Variants in ROBO1 observed in about 807,000 individuals in gnomAD.
ROBO1 encodes the protein roundabout guidance receptor 1.
A neutral mutation model predicts 195.9 loss-of-function variants in ROBO1; 149 were observed. That is an observed-to-expected ratio of 0.76 (90% confidence interval 0.67 to 0.87). The LOEUF (loss-of-function observed/expected upper bound fraction) is 0.87. ROBO1 is among the 40% of genes least tolerant of loss of function. The pLI is 0.00. For missense variants in ROBO1, 1,933 were observed against 2,068.3 expected (o/e 0.93, Z 1.27); for synonymous variants, 816 against 733.2 (o/e 1.11, Z -1.82).
At chr3:79,425,380 G>A (rs2038404433) in intron 2 of ROBO1, among the ~76,000 whole-genome samples, 1 of 152,064 alleles carries the variant, frequency 6.6e-6, no homozygotes, top group African/African-American at 2.4e-5. Context: ...AGAACAAAAT[G>A]CTTAGACCTC....
rs187204013 is a variant in ROBO1, at chr3:79,309,139, A to G, written c.89-183600T>C. ...CACCTGAAGGTTTTTAGAGGGGAAA[A>G]TTCATACCTACTGGGTTATATGATA... On this transcript the variant is annotated intron_variant, in intron 2 of 30. Coordinates refer to ENST00000464233, the MANE Select transcript of ROBO1 (RefSeq NM_002941.4). 4.9e-3 allele frequency among the ~76,000 whole-genome samples: 743 copies of G among 152,302 alleles called. 11 individuals carry two copies. The highest frequency in any genetic ancestry group is 0.017 in the African/African-American group (705 of 41,538).
chr3:79,416,360 C>T (rs1435118743), intron 2 of ROBO1, among the ~76,000 whole-genome samples: 1 of 151,100 alleles, frequency 6.6e-6, no homozygotes, highest in East Asian at 1.9e-4. Flanking sequence ...AATCCTGGCA[C>T]TTTGAGGCTG....
intron 2 of ROBO1, among the ~76,000 whole-genome samples, chr3:79,145,638 G>A (rs575418982): frequency 1.4e-4 from 21 of 151,830 alleles, no homozygotes; most frequent in East Asian, 5.8e-4. Context: ...AATGTTGCCC[G>A]ACTGACCTGA....
intron 3 of ROBO1, among the ~76,000 whole-genome samples, chr3:79,114,758 A>G (rs780181174): frequency 2.6e-5 from 4 of 152,136 alleles, no homozygotes; most frequent in Non-Finnish European, 4.4e-5. Context: ...TACATTGTGT[A>G]TGTAGTATTT....
chr3:79,580,743 A>G (rs1943633704), intron 2 of ROBO1, among the ~76,000 whole-genome samples: 1 of 152,146 alleles, frequency 6.6e-6, no homozygotes, highest in African/African-American at 2.4e-5. Flanking sequence ...AGTATGTGTC[A>G]CTATATACAT....
chr3:79,671,003 G>C (rs553498277), intron 1 of ROBO1, among the ~76,000 whole-genome samples: 47 of 151,796 alleles, frequency 3.1e-4, no homozygotes, highest in Non-Finnish European at 6.0e-4. Context: ...TCTATGCTTC[G>C]TTTTATATCA....
At chr3:79,188,360 T>A (rs552825717) in intron 2 of ROBO1, among the ~76,000 whole-genome samples, 1 of 151,988 alleles carries the variant, frequency 6.6e-6, no homozygotes, top group East Asian at 1.9e-4. Context: ...GGGCACAGGA[T>A]ACTTTTTTAT....
intron 2 of ROBO1, among the ~76,000 whole-genome samples, chr3:79,538,940 G>A (rs571391488): frequency 5.3e-5 from 8 of 152,180 alleles, no homozygotes; most frequent in South Asian, 2.1e-4. Context: ...TTGAATTTCC[G>A]TGCATAGCAA....
chr3:78,988,958 G>A (rs1255098687), intron 3 of ROBO1, among the ~76,000 whole-genome samples: 1 of 152,154 alleles, frequency 6.6e-6, no homozygotes, highest in Non-Finnish European at 1.5e-5. Context: ...TAAGATATCA[G>A]TTGGTATCAC....
chr3:79,654,531 C>T (rs981573918), intron 1 of ROBO1, among the ~76,000 whole-genome samples: 6 of 152,032 alleles, frequency 3.9e-5, no homozygotes, highest in South Asian at 2.1e-4. Context: ...AAGTAGAAAT[C>T]GCATTCCTTA....
chr3:79,334,377 A>G (rs6764105), intron 2 of ROBO1, among the ~76,000 whole-genome samples: 15,091 of 145,928 alleles, frequency 0.1, 827 homozygotes, highest in Middle Eastern at 0.14. Flanking sequence ...TATATATTTT[A>G]TATATATACA....
At chr3:79,470,510 G>A (rs1282019385) in intron 2 of ROBO1, among the ~76,000 whole-genome samples, 2 of 152,124 alleles carry the variant, frequency 1.3e-5, no homozygotes, top group African/African-American at 4.8e-5. Flanking sequence ...GTATACATAT[G>A]TAACAAAAAC....
At chr3:78,920,645 TTTTTTTTG>T in intron 4 of ROBO1, among the ~76,000 whole-genome samples, 1 of 138,958 alleles carries the variant, frequency 7.2e-6, no homozygotes, top group African/African-American at 2.8e-5. Context: ...TTTTTTTTTT[TTTTTTTTG>T]ACAGAAGGTT....
intron 2 of ROBO1, among the ~76,000 whole-genome samples, chr3:79,278,699 T>A (rs1219695145): frequency 6.6e-6 from 1 of 151,970 alleles, no homozygotes; most frequent in African/African-American, 2.4e-5. Flanking sequence ...TGAAAGTGGA[T>A]CAAAGACCTA....
chr3:79,215,712 T>C (rs981431308), intron 2 of ROBO1, among the ~76,000 whole-genome samples: 1 of 152,228 alleles, frequency 6.6e-6, no homozygotes, highest in Admixed American at 6.5e-5. Flanking sequence ...ATGATTACTG[T>C]ATGTACAGAG....
intron 1 of ROBO1, among the ~76,000 whole-genome samples, chr3:79,618,652 C>T (rs1041987408): frequency 6.6e-6 from 1 of 152,134 alleles, no homozygotes; most frequent in African/African-American, 2.4e-5. Flanking sequence ...AGTCTGCCTG[C>T]ACCCAAGTGA....
chr3:79,489,419 G>T (rs1037944323), intron 2 of ROBO1, among the ~76,000 whole-genome samples: 1 of 152,024 alleles, frequency 6.6e-6, no homozygotes, highest in African/African-American at 2.4e-5. Flanking sequence ...ACTTTGGGAG[G>T]CCGAGGTGGG....
intron 4 of ROBO1, among the ~76,000 whole-genome samples, chr3:78,867,392 G>A (rs2035247702): frequency 6.6e-6 from 1 of 152,050 alleles, no homozygotes; most frequent in Non-Finnish European, 1.5e-5. Flanking sequence ...ACCTGCAGAG[G>A]ACTAAAAAGT....
intron 2 of ROBO1, among the ~76,000 whole-genome samples, chr3:79,374,120 A>T (rs1390902551): frequency 2.0e-5 from 3 of 152,204 alleles, no homozygotes; most frequent in African/African-American, 7.2e-5. Context: ...AGCAAAAGAT[A>T]AAGTATCAGT....
Sources: gnomAD v4.1 joint callset for allele counts (sites outside exome capture counted in the v4.1 genomes callset) on GRCh38, gnomAD v4.1.1 for gene constraint, MANE v1.5 for transcripts, NCBI Gene and HGNC (gene_info 2026-07-23, HGNC 2026-07-21) for gene names.